The following SEC16A variants were observed in gnomAD, a reference collection of about 807,000 sequenced individuals.
SEC16A encodes SEC16 homolog A, endoplasmic reticulum export factor.
In SEC16A, 110 loss-of-function variants were observed where a neutral mutation model predicts 221.9. That is an observed-to-expected ratio of 0.50 (90% confidence interval 0.42 to 0.58). The LOEUF (loss-of-function observed/expected upper bound fraction) is 0.58, where lower values mean the gene tolerates loss of function less well. Ranked by LOEUF, SEC16A falls within the 20% of genes least tolerant of loss-of-function variation. SEC16A has a pLI of 0.00. For synonymous variants in SEC16A, 1,393 were observed against 1,257.7 expected (o/e 1.11, Z -2.28); for missense variants, 3,165 against 3,097.8 (o/e 1.02, Z -0.52).
chr9:136,482,815 G>A (rs1457300703), intron 1 of SEC16A, 123 bp downstream of exon 1: 5 of 225,918 alleles, frequency 2.2e-5, no homozygotes, highest in Admixed American at 2.0e-4. Flanking sequence ...TGCACCGCCC[G>A]CTCGGGGCTG....
rs375272158 is a variant in SEC16A, at chr9:136,455,623, C to T, written c.5835G>A (p.Pro1945=). ...CACCTGAGGGCAGCAGCCGCACGCT[C>T]GGGCTCGAGTGCTCAGGGCTCGGTG... is the stretch of plus-strand genomic sequence containing the variant. ...VPAPSPEHSS[P]SVRLLPSAPQ... is the part of the protein sequence containing the mutation. The change falls in exon 20 of 32, where the codon CCG becomes CCA. Residue 1945 remains proline, a synonymous_variant. Coordinates refer to ENST00000684901, the MANE Select transcript of SEC16A (RefSeq NM_014866.2). 30 of 1,577,906 alleles carry T rather than the reference C, an allele frequency of 1.9e-5. No individual in the cohort carries two copies. The highest frequency in any genetic ancestry group is 4.7e-5 in the South Asian group (4 of 85,754).
upstream of SEC16A, chr9:136,483,095 C>A: frequency 1.1e-6 from 1 of 875,438 alleles, no homozygotes; most frequent in Non-Finnish European, 1.4e-6. Context: ...ACGACATCAG[C>A]GCGCGCCCCG....
chr9:136,452,222 G>A, intron 22 of SEC16A, among the ~76,000 whole-genome samples: 1 of 151,894 alleles, frequency 6.6e-6, no homozygotes, highest in East Asian at 1.9e-4. Context: ...GCTGAGGCAG[G>A]TGGATCATGA....
rs1419371772 is a variant in SEC16A, at chr9:136,466,673, C to T, written c.3930-211G>A. On this transcript the variant is annotated intron_variant, in intron 6 of 31. Coordinates refer to ENST00000684901, the MANE Select transcript of SEC16A (RefSeq NM_014866.2). This position sits in a 1 kb window ranked among gnomAD's most constrained non-coding sequence, Gnocchi z 5.5. ...GGTCACTTCTCTGGGCTGCAGGGCG[C>T]GACCGGTAAGAAGGGACGATGAGAA... Among the ~76,000 whole-genome samples the T allele has an allele frequency of 2.0e-5, 3 of 152,168 alleles. No individual in the cohort carries two copies. The highest frequency in any genetic ancestry group is 6.5e-5 in the Admixed American group (1 of 15,272).
chr9:136,461,574 G>A (rs915553883), intron 12 of SEC16A, among the ~76,000 whole-genome samples: 11 of 152,092 alleles, frequency 7.2e-5, no homozygotes, highest in South Asian at 2.1e-4. Context: ...CCACCACGCC[G>A]CCCCATCCAC....
Position 136,477,814 on chromosome 9 carries a change from T to C in SEC16A, c.-69-130A>G, listed in dbSNP as rs535550637. The C allele has an allele frequency of 6.6e-6, 6 of 913,096 alleles. No homozygotes were observed. In the African/African-American group the frequency reaches 1.0e-4, roughly 15 times the overall value. The allele number at this position is 913,096 out of a possible 1,614,324, so 56.6% of individuals were successfully genotyped here. A position where few individuals can be genotyped will look rare whatever the true frequency, so the allele number is the denominator to read the frequency against. ...TCACTTAAATCCCAAGGACTCTCTCTCCCCTACACCCCACCCCAGCAGAGA... is the reference window on the plus strand; with the variant it reads ...TCACTTAAATCCCAAGGACTCTCTCCCCCCTACACCCCACCCCAGCAGAGA... On this transcript the variant is annotated intron_variant, in intron 2 of 31. Transcript: ENST00000684901.
chr9:136,461,595 G>A (rs1358510483), intron 12 of SEC16A, among the ~76,000 whole-genome samples: 1 of 152,202 alleles, frequency 6.6e-6, no homozygotes, highest in East Asian at 1.9e-4. Flanking sequence ...TGGGAAACAC[G>A]CTCGAGTCAA....
At chr9:136,465,679 CA>C (rs1336127766) in intron 8 of SEC16A, among the ~76,000 whole-genome samples, 1 of 152,190 alleles carries the variant, frequency 6.6e-6, no homozygotes, top group Non-Finnish European at 1.5e-5. Context: ...GGGATGTGAT[CA>C]GGGGCTGCCC....
In SEC16A at chr9:136,466,205, A is replaced by T. The variant is rs1242486189; in HGVS notation, c.4128+59T>A. The T allele has an allele frequency of 6.4e-7, 1 of 1,570,432 alleles. No homozygotes were observed. The highest frequency in any genetic ancestry group is 8.7e-7 in the Non-Finnish European group (1 of 1,155,210). On this transcript the variant is annotated intron_variant, in intron 7 of 31. Coordinates refer to ENST00000684901, the MANE Select transcript of SEC16A (RefSeq NM_014866.2). This position sits in a 1 kb window ranked among gnomAD's most constrained non-coding sequence, Gnocchi z 5.5. Reference sequence around the variant, plus strand: ...AGCAGTAAAACTTTAGGTACATTGCAAACAGGATGGTGGTTCTAAACACAA... The same window carrying T: ...AGCAGTAAAACTTTAGGTACATTGCTAACAGGATGGTGGTTCTAAACACAA...
upstream of SEC16A, chr9:136,483,718 C>T (rs1842702359): frequency 2.0e-6 from 2 of 985,414 alleles, no homozygotes; most frequent in African/African-American, 3.5e-5. Flanking sequence ...CTACTCCGCC[C>T]AGCTGAGAAG....
intron 23 of SEC16A, 32 bp downstream of exon 23, chr9:136,451,224 C>G (rs777973209): frequency 5.0e-6 from 8 of 1,597,620 alleles, no homozygotes; most frequent in Non-Finnish European, 6.8e-6. Flanking sequence ...ACCCTCCCGG[C>G]CGCCAGGCGC....
rs3812590 is a variant in SEC16A, at chr9:136,441,488, T to C, written c.*267A>G. On this transcript the variant is annotated 3_prime_UTR_variant, in exon 32 of 32. Coordinates refer to ENST00000684901, the MANE Select transcript of SEC16A (RefSeq NM_014866.2). Reference sequence around the variant, plus strand: ...TACTATATCCTTAAATCATCCTAAATGACTAAGAAAGTCACATCATTCTTT... The same window carrying C: ...TACTATATCCTTAAATCATCCTAAACGACTAAGAAAGTCACATCATTCTTT... 71,356 of 529,662 alleles carry C rather than the reference T, an allele frequency of 0.13. 5,716 individuals carry two copies. The highest frequency in any genetic ancestry group is 0.27 in the Admixed American group (8,422 of 31,628). 32.8% of individuals were successfully genotyped at this position (529,662 alleles called of 1,614,324 possible). A position where few individuals can be genotyped will look rare whatever the true frequency, so the allele number is the denominator to read the frequency against.
In SEC16A at chr9:136,474,638, G is replaced by A; in HGVS notation, c.2978C>T (p.Ala993Val). Residue 993 changes from alanine (A) to valine (V), a missense_variant, in exon 3 of 32, where the codon GCC becomes GTC. By Grantham distance (64) the Ala-to-Val change is moderately conservative. This residue lies in a region of SEC16A where 2,030 missense variants were observed against 1,923.1 expected (regional missense o/e 1.06). Coordinates refer to ENST00000684901, the MANE Select transcript of SEC16A (RefSeq NM_014866.2). ...AGTCCTGCTTAAGGTAAAGTCTAGGGCTCCGTAAGTGTCTTCCTGATGACT... is the reference window on the plus strand; with the variant it reads ...AGTCCTGCTTAAGGTAAAGTCTAGGACTCCGTAAGTGTCTTCCTGATGACT... ...HSSHQEDTYG[A>V]LDFTLSRTLE... is the part of the protein sequence containing the mutation. 1.2e-6 allele frequency: 2 copies of A among 1,613,364 alleles called. No individual in the cohort carries two copies. The highest frequency in any genetic ancestry group is 1.1e-5 in the South Asian group (1 of 91,076).
At position 136,462,911 on chromosome 9, in the gene SEC16A, C is replaced by T; in HGVS notation, c.4869G>A (p.Glu1623=). The change falls in exon 12 of 32, where the codon GAG becomes GAA. Residue 1623 remains glutamate (E), a synonymous_variant. Coordinates refer to ENST00000684901, the MANE Select transcript of SEC16A (RefSeq NM_014866.2). ...CCTTCTTACGGCCATACAGCAACAG[C>T]TCCCTGAACCTCTCGGTCTCTCTCT... ...SLERETERFR[E]LLLYGRKKDA... The T allele has an allele frequency of 6.2e-7, 1 of 1,602,200 alleles. No individual in the cohort carries two copies. The highest frequency in any genetic ancestry group is 8.5e-7 in the Non-Finnish European group (1 of 1,179,818).
chr9:136,470,000 G>T (rs1382206166), intron 4 of SEC16A, among the ~76,000 whole-genome samples: 2 of 152,242 alleles, frequency 1.3e-5, no homozygotes, highest in African/African-American at 2.4e-5. Context: ...TCCAACCCCA[G>T]TCATTCATCA....
chr9:136,468,940 C>G (rs532951257), intron 4 of SEC16A, among the ~76,000 whole-genome samples: 1 of 152,256 alleles, frequency 6.6e-6, no homozygotes, highest in Admixed American at 6.5e-5. Flanking sequence ...ACCTCCACCT[C>G]CCAGGCTCAA....
intron 1 of SEC16A, among the ~76,000 whole-genome samples, chr9:136,479,280 C>T (rs11145758): frequency 0.012 from 1,775 of 152,342 alleles, 40 homozygotes; most frequent in African/African-American, 0.041. Context: ...CAGCACCACC[C>T]TCATGAACAA....
At position 136,441,402 on chromosome 9, in the gene SEC16A, G is replaced by C. The variant is rs1175465189; in HGVS notation, c.*353C>G. On this transcript the variant is annotated 3_prime_UTR_variant, in exon 32 of 32. Transcript: ENST00000684901. ...GGCCCTGGTTACTACCGACCATGTGGCTCTCCTGTGGCAGAGACAGCTCCG... is the reference window on the plus strand; with the variant it reads ...GGCCCTGGTTACTACCGACCATGTGCCTCTCCTGTGGCAGAGACAGCTCCG... The C allele has an allele frequency of 3.2e-6, 1 of 314,850 alleles. No homozygotes were observed. The highest frequency in any genetic ancestry group is 2.1e-5 in the African/African-American group (1 of 46,824). 19.5% of individuals were successfully genotyped at this position (314,850 alleles called of 1,614,324 possible). A position where few individuals can be genotyped will look rare whatever the true frequency, so the allele number is the denominator to read the frequency against.
Position 136,459,359 on chromosome 9 carries a change from G to T in SEC16A, c.5303+85C>A. On this transcript the variant is annotated intron_variant, in intron 16 of 31. Coordinates refer to ENST00000684901, the MANE Select transcript of SEC16A (RefSeq NM_014866.2). This position sits in a 1 kb window ranked among gnomAD's most constrained non-coding sequence, Gnocchi z 6.1. ...CGTGACAAATAAAGACATGATTCTG[G>T]CCATTTCTGAATTCACTAAAGGAGA... 1 of 1,399,556 alleles carries T rather than the reference G, an allele frequency of 7.1e-7. No individual in the cohort carries two copies. The highest frequency in any genetic ancestry group is 9.9e-7 in the Non-Finnish European group (1 of 1,005,646). The allele number at this position is 1,399,556 out of a possible 1,614,324, so 86.7% of individuals were successfully genotyped here.
Sources: gnomAD v4.1 joint callset for allele counts (sites outside exome capture counted in the v4.1 genomes callset) on GRCh38, gnomAD v4.1.1 for gene constraint, gnomAD v4.1.1 regional missense constraint, Gnocchi (gnomAD v3.1) non-coding constraint, MANE v1.5 for transcripts, NCBI Gene and HGNC (gene_info 2026-07-23, HGNC 2026-07-21) for gene names.